FAF1: variants seen among roughly 807,000 people sequenced by gnomAD.
The protein encoded by FAF1 is Fas associated factor 1, also known as FAS-associated factor 1.
A neutral mutation model predicts 92.5 loss-of-function variants in FAF1; 25 were observed. That is an observed-to-expected ratio of 0.27 (90% confidence interval 0.20 to 0.38). FAF1 has a LOEUF of 0.38. Among genes scored for constraint, FAF1 ranks in the 10% least tolerant of loss-of-function variants. The pLI is 1.00. For missense variants in FAF1, 636 were observed against 793.3 expected (o/e 0.80, Z 2.38); for synonymous variants, 234 against 273.2 (o/e 0.86, Z 1.42).
chr1:50,653,507 C>T (rs566623593), intron 8 of FAF1, among the ~76,000 whole-genome samples: 5 of 152,274 alleles, frequency 3.3e-5, no homozygotes, highest in Middle Eastern at 6.8e-3. Flanking sequence ...CAAGCCACCA[C>T]GCCCGGCTAA....
At chr1:50,760,607 A>C (rs985161434) in intron 4 of FAF1, among the ~76,000 whole-genome samples, 8 of 152,230 alleles carry the variant, frequency 5.3e-5, no homozygotes, top group Non-Finnish European at 1.2e-4. Context: ...TAACGAAATG[A>C]AGGCAGAAAT....
chr1:50,684,280 G>A (rs74648981), intron 7 of FAF1, among the ~76,000 whole-genome samples: 1 of 121,942 alleles, frequency 8.2e-6, no homozygotes, highest in Non-Finnish European at 1.7e-5. Flanking sequence ...TTTTTTTTTG[G>A]TTCAAACTCT....
intron 15 of FAF1, among the ~76,000 whole-genome samples, chr1:50,527,475 GTAGT>G (rs1296475507): frequency 3.9e-5 from 6 of 152,118 alleles, no homozygotes; most frequent in East Asian, 1.9e-4. Flanking sequence ...GTCCTTTGAA[GTAGT>G]TAGTCAACAG....
intron 7 of FAF1, among the ~76,000 whole-genome samples, chr1:50,696,166 C>G: frequency 6.6e-6 from 1 of 152,082 alleles, no homozygotes; most frequent in East Asian, 1.9e-4. Flanking sequence ...TCTCTCATTC[C>G]ATAGTGTAAT....
rs1652003272 is a variant in FAF1 at position 50,599,691 on chromosome 1, A to G, written c.745-3475T>C. On this transcript the variant is annotated intron_variant, in intron 8 of 18. Coordinates refer to ENST00000396153, the MANE Select transcript of FAF1 (RefSeq NM_007051.3). ...ATAAAGGACTTCTACAGCATACCAA[A>G]GTATAATGGATGGGTTGAAGAAAAA... is the stretch of plus-strand genomic sequence containing the variant. Among the ~76,000 whole-genome samples, 5 of 152,218 alleles carry G rather than the reference A, an allele frequency of 3.3e-5. No homozygotes were observed. In the South Asian group the frequency reaches 1.0e-3, roughly 31 times the overall value.
intron 15 of FAF1, among the ~76,000 whole-genome samples, chr1:50,519,097 C>T (rs970631988): frequency 4.0e-5 from 6 of 151,894 alleles, no homozygotes; most frequent in South Asian, 4.2e-4. Context: ...TTTGGGAGGC[C>T]GAGGTGCGAG....
intron 1 of FAF1, among the ~76,000 whole-genome samples, chr1:50,871,744 G>C (rs1445230687): frequency 6.6e-6 from 1 of 152,150 alleles, no homozygotes; most frequent in Non-Finnish European, 1.5e-5. Context: ...GATCAAAGTT[G>C]TTTTTCTGGC....
intron 7 of FAF1, among the ~76,000 whole-genome samples, chr1:50,695,898 C>T (rs1323940482): frequency 6.6e-6 from 1 of 151,322 alleles, no homozygotes; most frequent in African/African-American, 2.4e-5. Flanking sequence ...ATCCATTCGC[C>T]TCGTCCTCCC....
chr1:50,842,968 C>G (rs1216227954), intron 2 of FAF1, among the ~76,000 whole-genome samples: 2 of 152,124 alleles, frequency 1.3e-5, no homozygotes, highest in Non-Finnish European at 2.9e-5. Context: ...GTGCCTAAAA[C>G]AGTGCTAGCA....
intron 4 of FAF1, among the ~76,000 whole-genome samples, chr1:50,746,691 A>G (rs1417870119): frequency 1.3e-5 from 2 of 152,176 alleles, no homozygotes; most frequent in Non-Finnish European, 2.9e-5. Context: ...GCCAATTTTC[A>G]GGGGAGAAAT....
intron 13 of FAF1, among the ~76,000 whole-genome samples, chr1:50,561,840 C>CGGAA (rs1353909490): frequency 1.8e-4 from 23 of 125,028 alleles, no homozygotes; most frequent in African/African-American, 5.4e-4. Context: ...GACGGATGGA[C>CGGAA]GGATGGACGG....
intron 17 of FAF1, among the ~76,000 whole-genome samples, chr1:50,485,262 A>AAAAT (rs1646750917): frequency 6.6e-6 from 1 of 151,920 alleles, no homozygotes; most frequent in South Asian, 2.1e-4. Flanking sequence ...TGTTTGGCCA[A>AAAAT]AAATAGGTTT....
At chr1:50,814,189 A>C (rs1643943746) in intron 2 of FAF1, among the ~76,000 whole-genome samples, 1 of 152,206 alleles carries the variant, frequency 6.6e-6, no homozygotes. Context: ...ACTCTATACT[A>C]ATATGCATAG....
chr1:50,956,002 G>A (rs541856111), intron 1 of FAF1, among the ~76,000 whole-genome samples: 1 of 152,088 alleles, frequency 6.6e-6, no homozygotes, highest in South Asian at 2.1e-4. Context: ...AGGGATATAA[G>A]GACTTATTGT....
chr1:50,519,336 A>G (rs1002078039), intron 15 of FAF1, among the ~76,000 whole-genome samples: 6 of 133,580 alleles, frequency 4.5e-5, no homozygotes, highest in African/African-American at 1.3e-4. Flanking sequence ...CGAAAGAAAG[A>G]AAGGAAGGAA....
chr1:50,959,393 A>G (rs1419907093), intron 1 of FAF1, among the ~76,000 whole-genome samples: 3 of 151,820 alleles, frequency 2.0e-5, no homozygotes, highest in African/African-American at 7.3e-5. Context: ...CCACGCTCAC[A>G]CTCCATACAT....
chr1:50,741,432 T>A (rs907152177), intron 5 of FAF1, among the ~76,000 whole-genome samples: 12 of 152,238 alleles, frequency 7.9e-5, no homozygotes, highest in East Asian at 1.9e-4. Flanking sequence ...TTGTGAGTAG[T>A]CTGAATTTTA....
chr1:50,490,367 C>T (rs775202848), intron 17 of FAF1, among the ~76,000 whole-genome samples: 19 of 128,450 alleles, frequency 1.5e-4, no homozygotes, highest in Non-Finnish European at 2.0e-4. Flanking sequence ...GGTGACAGAG[C>T]GAAGACTCTA....
At chr1:50,692,434 C>T (rs1003081099) in intron 7 of FAF1, among the ~76,000 whole-genome samples, 2 of 152,086 alleles carry the variant, frequency 1.3e-5, no homozygotes, top group Non-Finnish European at 2.9e-5. Context: ...CCAACATCTC[C>T]GCTTTCCTCA....
Sources: gnomAD v4.1 joint callset for allele counts (sites outside exome capture counted in the v4.1 genomes callset) on GRCh38, gnomAD v4.1.1 for gene constraint, MANE v1.5 for transcripts, NCBI Gene and HGNC (gene_info 2026-07-23, HGNC 2026-07-21) for gene names.